Variants in ABCD3 observed in about 807,000 individuals in gnomAD.
The protein encoded by ABCD3 is ATP-binding cassette sub-family D member 3.
Under a neutral mutation model 105.5 loss-of-function variants are expected in ABCD3, and 41 were observed. The observed-to-expected ratio is 0.39, with a 90% CI of 0.30 to 0.50. The LOEUF (loss-of-function observed/expected upper bound fraction) is 0.50. Among genes scored for constraint, ABCD3 ranks in the 20% least tolerant of loss-of-function variants. ABCD3 has a pLI of 0.84. For missense variants in ABCD3, 622 were observed against 806.3 expected (o/e 0.77, Z 2.77); for synonymous variants, 258 against 269.0 (o/e 0.96, Z 0.40).
chr1:94,399,668 T>C, the ABCD3 span, among the ~76,000 whole-genome samples: 3 of 152,334 alleles, frequency 2.0e-5, no homozygotes, highest in South Asian at 6.2e-4. Flanking sequence ...CAGATCAATC[T>C]GCAACCCAAA....
chr1:94,464,712 T>G (rs1012116809), intron 2 of ABCD3, 63 bp from the exon 3 acceptor site: 1 of 1,382,472 alleles, frequency 7.2e-7, no homozygotes, highest in Non-Finnish European at 1.0e-6. Flanking sequence ...TGAAACATGG[T>G]TCTTTAATTT....
chr1:94,418,661 C>G (rs936359917), intron 1 of ABCD3, 73 bp downstream of exon 1: 6 of 1,465,290 alleles, frequency 4.1e-6, no homozygotes, highest in Non-Finnish European at 5.5e-6. Context: ...TCTCCCCACC[C>G]GGCCGACAGG....
At position 94,518,658 on chromosome 1, in the gene ABCD3, C is replaced by A. The variant is rs1176905773; in HGVS notation, c.*1529C>A. 6.6e-6 allele frequency: 1 copy of A among 151,826 alleles called. No individual in the cohort carries two copies. The highest frequency in any genetic ancestry group is 6.6e-5 in the Admixed American group (1 of 15,216). 9.4% of individuals were successfully genotyped at this position (151,826 alleles called of 1,614,324 possible). On this transcript the variant is annotated 3_prime_UTR_variant, in exon 23 of 23. Coordinates refer to ENST00000370214, the MANE Select transcript of ABCD3 (RefSeq NM_002858.4). Reference sequence around the variant, plus strand: ...AACACAAAAATAAATTCAGAAAATGCTTTTAGCACAGTGTCTCTTTTTTAA... The same window carrying A: ...AACACAAAAATAAATTCAGAAAATGATTTTAGCACAGTGTCTCTTTTTTAA...
Position 94,478,291 on chromosome 1 carries a change from G to C in ABCD3, c.660G>C (p.Lys220Asn), listed in dbSNP as rs1354799155. The change falls in exon 8 of 23, where the codon AAG becomes AAC. Residue 220 changes from lysine to asparagine, a missense_variant. Lys to Asn is a moderately conservative substitution (Grantham distance 94). This residue lies in a region of ABCD3 where 245 missense variants were observed against 356.4 expected (regional missense o/e 0.69). Transcript: ENST00000370214. The stretch of plus-strand genomic sequence containing the variant: ...TAGACATAGTTTTGTATATCTTTAA[G>C]TTAACGAGTGCAATTGGAGCTCAGG... ...PFLDIVLYIFKLTSAIGAQGP... is the reference protein window; with the variant it reads ...PFLDIVLYIFNLTSAIGAQGP... The C allele has an allele frequency of 1.2e-6, 2 of 1,602,792 alleles. No individual in the cohort carries two copies. Among genetic ancestry groups the C allele is most frequent in the South Asian group, 2.2e-5 (2 of 90,262 alleles).
At chr1:94,445,608 A>T (rs1461270163) in intron 1 of ABCD3, among the ~76,000 whole-genome samples, 1 of 152,138 alleles carries the variant, frequency 6.6e-6, no homozygotes, top group Non-Finnish European at 1.5e-5. Context: ...CCCCCTCCTT[A>T]TTTTGAAGAA....
intron 1 of ABCD3, among the ~76,000 whole-genome samples, chr1:94,434,371 CTAATA>C (rs1273549570): frequency 1.3e-5 from 2 of 152,068 alleles, no homozygotes; most frequent in Non-Finnish European, 2.9e-5. Context: ...GGAGTACACT[CTAATA>C]TAATGATGAA....
intron 21 of ABCD3, among the ~76,000 whole-genome samples, chr1:94,512,148 C>T (rs899171426): frequency 2.0e-5 from 3 of 151,854 alleles, no homozygotes; most frequent in Non-Finnish European, 2.9e-5. Flanking sequence ...CTTTGGTGAC[C>T]GTGATGTACA....
chr1:94,457,677 T>TA (rs959173919), intron 1 of ABCD3, among the ~76,000 whole-genome samples: 3 of 151,836 alleles, frequency 2.0e-5, no homozygotes, highest in East Asian at 1.9e-4. Context: ...AAGGCGGAGG[T>TA]AAAAAAGGCC....
At chr1:94,505,398 A>C (rs1650304796) in intron 20 of ABCD3, among the ~76,000 whole-genome samples, 1 of 134,770 alleles carries the variant, frequency 7.4e-6, no homozygotes, top group African/African-American at 2.8e-5. Flanking sequence ...TTTTTTTAAG[A>C]GATGTGGTTT....
the ABCD3 span, among the ~76,000 whole-genome samples, chr1:94,386,580 A>G: frequency 1.2e-4 from 19 of 152,276 alleles, no homozygotes; most frequent in African/African-American, 4.6e-4. Context: ...TCACAAGTCA[A>G]TATATACAAT....
chr1:94,444,879 T>A (rs1660288701), intron 1 of ABCD3, among the ~76,000 whole-genome samples: 1 of 152,184 alleles, frequency 6.6e-6, no homozygotes, highest in African/African-American at 2.4e-5. Flanking sequence ...ATGTTTGCAA[T>A]GGCCACGATG....
intron 21 of ABCD3, among the ~76,000 whole-genome samples, chr1:94,510,894 T>G (rs1210136526): frequency 6.6e-6 from 1 of 152,130 alleles, no homozygotes; most frequent in Non-Finnish European, 1.5e-5. Context: ...TCTCTGCACG[T>G]GAGATGGGTT....
At position 94,418,390 on chromosome 1, in the gene ABCD3, C is replaced by A; in HGVS notation, c.-89C>A. ...GCCGGCCCCGCCCTCTGCTCTCCTC[C>A]CAGTCTCCCCCGCGCTGCGTGCAGT... On this transcript the variant is annotated 5_prime_UTR_variant, in exon 1 of 23. Coordinates refer to ENST00000370214, the MANE Select transcript of ABCD3 (RefSeq NM_002858.4). 4.2e-6 allele frequency: 5 copies of A among 1,197,400 alleles called. No homozygotes were observed. The highest frequency in any genetic ancestry group is 5.9e-6 in the Non-Finnish European group (5 of 841,400). 74.2% of individuals were successfully genotyped at this position (1,197,400 alleles called of 1,614,324 possible).
In ABCD3 at chr1:94,511,185, C is replaced by T. The variant is rs913342035; in HGVS notation, c.1846-3961C>T. On this transcript the variant is annotated intron_variant, in intron 21 of 22. Coordinates refer to ENST00000370214, the MANE Select transcript of ABCD3 (RefSeq NM_002858.4). ...TTCAGGAGCTCTTTTAGGGCAGGCC[C>T]GGTGGTGACAAAATCTCTCAGCATT... 7.8e-4 allele frequency among the ~76,000 whole-genome samples: 118 copies of T among 151,552 alleles called. 1 individual carries two copies. The highest frequency in any genetic ancestry group is 4.1e-3 in the Admixed American group (62 of 15,208).
chr1:94,446,723 C>T lies in ABCD3; in HGVS notation c.111-11884C>T, dbSNP rs374039951. Among the ~76,000 whole-genome samples, 17 of 152,204 alleles carry T rather than the reference C, an allele frequency of 1.1e-4. No individual in the cohort carries two copies. The East Asian group carries it at 3.3e-3, about 29-fold the overall frequency. Reference sequence around the variant, plus strand: ...AGGAGCGGACATTTCAATCATTTCTCTACAGCACTGGCTGTCTGCGTGGCC... The same window carrying T: ...AGGAGCGGACATTTCAATCATTTCTTTACAGCACTGGCTGTCTGCGTGGCC... On this transcript the variant is annotated intron_variant, in intron 1 of 22. Transcript: ENST00000370214.
chr1:94,409,776 G>A, the ABCD3 span, among the ~76,000 whole-genome samples: 1 of 152,214 alleles, frequency 6.6e-6, no homozygotes, highest in Non-Finnish European at 1.5e-5. Flanking sequence ...GTGGCCAGTT[G>A]TCACATGAGG....
At chr1:94,406,335 G>GTTTTTTTTTTTT in the ABCD3 span, 1 of 179,012 alleles carries the variant, frequency 5.6e-6, no homozygotes, top group African/African-American at 3.1e-5. Context: ...ATAGTATTTT[G>GTTTTTTTTTTTT]TTTTGTTTTT....
At chr1:94,467,878 A>G in intron 3 of ABCD3, 41 bp from the exon 4 acceptor site, 2 of 1,432,036 alleles carry the variant, frequency 1.4e-6, no homozygotes, top group East Asian at 2.3e-5. Flanking sequence ...TGAACTTTCT[A>G]AAATGCATGT....
chr1:94,487,591 T>C lies in ABCD3; in HGVS notation c.947T>C (p.Ile316Thr), dbSNP rs1649333723. 1 of 1,613,748 alleles carries C rather than the reference T, an allele frequency of 6.2e-7. No individual in the cohort carries two copies. The highest frequency in any genetic ancestry group is 8.5e-7 in the Non-Finnish European group (1 of 1,179,836). ...FILFRFSMGF[I>T]DSIIAKYLAT... is the part of the protein sequence containing the mutation. ...TTGTTTCGGTTTTCAATGGGCTTCA[T>C]TGATAGTATTATTGCCAAATGTAAG... Residue 316 changes from isoleucine to threonine, a missense_variant, in exon 11 of 23, where the codon ATT becomes ACT. Ile to Thr is a moderately conservative substitution (Grantham distance 89). Coordinates refer to ENST00000370214, the MANE Select transcript of ABCD3 (RefSeq NM_002858.4).
Sources: gnomAD v4.1 joint callset for allele counts (sites outside exome capture counted in the v4.1 genomes callset) on GRCh38, gnomAD v4.1.1 for gene constraint, gnomAD v4.1.1 regional missense constraint, MANE v1.5 for transcripts, NCBI Gene and HGNC (gene_info 2026-07-23, HGNC 2026-07-21) for gene names.